Variants in PCDH7 observed in about 807,000 individuals in gnomAD.
PCDH7 encodes the protein protocadherin-7.
A neutral mutation model predicts 58.9 loss-of-function variants in PCDH7; 17 were observed. That is an observed-to-expected ratio of 0.29 (90% CI 0.20 to 0.43). The LOEUF is 0.43. Among genes scored for constraint, PCDH7 ranks in the 20% least tolerant of loss-of-function variants. The pLI is 1.00. For missense variants in PCDH7, 1,274 were observed against 1,441.0 expected (o/e 0.88, Z 1.88); for synonymous variants, 664 against 616.4 (o/e 1.08, Z -1.14).
At chr4:31,135,436 G>C (rs1719481077) in intron 3 of PCDH7, among the ~76,000 whole-genome samples, 1 of 152,180 alleles carries the variant, frequency 6.6e-6, no homozygotes, top group Non-Finnish European at 1.5e-5. Context: ...GATGCCTAAT[G>C]TGGAGTAACC....
chr4:30,867,804 G>A (rs1200673826), intron 1 of PCDH7, among the ~76,000 whole-genome samples: 1 of 152,050 alleles, frequency 6.6e-6, no homozygotes, highest in Non-Finnish European at 1.5e-5. Flanking sequence ...TGATGGTAGG[G>A]CTATTCAAAA....
At chr4:31,049,074 G>A (rs1306249330) in intron 3 of PCDH7, among the ~76,000 whole-genome samples, 1 of 152,056 alleles carries the variant, frequency 6.6e-6, no homozygotes, top group Non-Finnish European at 1.5e-5. Context: ...ATGTATACAT[G>A]TGCCATGTTG....
At chr4:30,804,272 G>A (rs185836537) in intron 1 of PCDH7, among the ~76,000 whole-genome samples, 192 of 152,292 alleles carry the variant, frequency 1.3e-3, no homozygotes, top group Non-Finnish European at 2.1e-3. Flanking sequence ...CAGGCACGGT[G>A]GCTCATGCCT....
At chr4:30,944,812 A>G (rs1366625971) in intron 2 of PCDH7, among the ~76,000 whole-genome samples, 7 of 152,202 alleles carry the variant, frequency 4.6e-5, no homozygotes, top group African/African-American at 1.7e-4. Flanking sequence ...ATATTACTCA[A>G]TACAATAGTC....
intron 3 of PCDH7, among the ~76,000 whole-genome samples, chr4:30,976,399 CTTTTT>C (rs370648622): frequency 4.4e-5 from 5 of 113,538 alleles, no homozygotes; most frequent in African/African-American, 1.1e-4. Flanking sequence ...CCATAAAATA[CTTTTT>C]TTTTTTTTTT....
intron 1 of PCDH7, among the ~76,000 whole-genome samples, chr4:30,809,918 G>A (rs760192558): frequency 2.2e-4 from 34 of 152,030 alleles, no homozygotes; most frequent in Non-Finnish European, 4.6e-4. Context: ...ACTTGCTTTT[G>A]GACATGCCTG....
intron 1 of PCDH7, among the ~76,000 whole-genome samples, chr4:30,725,716 A>T (rs1448642936): frequency 6.6e-6 from 1 of 152,114 alleles, no homozygotes; most frequent in East Asian, 1.9e-4. Flanking sequence ...TATGATTGTC[A>T]ATCTAATTTC....
chr4:30,972,356 G>A (rs1043445338), intron 3 of PCDH7, among the ~76,000 whole-genome samples: 1 of 152,010 alleles, frequency 6.6e-6, no homozygotes, highest in Admixed American at 6.6e-5. Context: ...TTGTGTGCAG[G>A]ATTTTTTTAT....
intron 1 of PCDH7, among the ~76,000 whole-genome samples, chr4:30,822,576 A>G (rs1001169471): frequency 3.9e-5 from 6 of 152,152 alleles, no homozygotes; most frequent in African/African-American, 1.4e-4. Context: ...TGAATCCGTC[A>G]TGGTTTACTT....
intron 3 of PCDH7, among the ~76,000 whole-genome samples, chr4:30,994,081 T>TGGG (rs142170698): frequency 0.74 from 111,892 of 151,830 alleles, 42,454 homozygotes; most frequent in African/African-American, 0.93. Context: ...AATAGTGGTG[T>TGGG]GGGCATCCTA....
At chr4:30,931,087 A>T (rs529118295) in intron 2 of PCDH7, among the ~76,000 whole-genome samples, 155 of 152,334 alleles carry the variant, frequency 1.0e-3, no homozygotes, top group African/African-American at 3.5e-3. Context: ...GACCTGTGGG[A>T]TCATGTAGAT....
At chr4:31,017,859 A>G (rs1303064561) in intron 3 of PCDH7, among the ~76,000 whole-genome samples, 1 of 152,198 alleles carries the variant, frequency 6.6e-6, no homozygotes, top group African/African-American at 2.4e-5. Flanking sequence ...TCATGGCAGC[A>G]TTCAAGTGGC....
intron 3 of PCDH7, among the ~76,000 whole-genome samples, chr4:31,027,207 T>G (rs1286923540): frequency 6.6e-6 from 1 of 152,092 alleles, no homozygotes; most frequent in Non-Finnish European, 1.5e-5. Flanking sequence ...CCCCAAGGAC[T>G]CTTTAAATTG....
At chr4:31,116,214 C>T (rs1238957327) in intron 3 of PCDH7, among the ~76,000 whole-genome samples, 1 of 152,142 alleles carries the variant, frequency 6.6e-6, no homozygotes, top group Non-Finnish European at 1.5e-5. Context: ...TGAGTTCCTG[C>T]ACACATCATG....
intron 3 of PCDH7, among the ~76,000 whole-genome samples, chr4:30,982,782 T>C (rs1750678029): frequency 6.6e-6 from 1 of 152,166 alleles, no homozygotes; most frequent in Non-Finnish European, 1.5e-5. Flanking sequence ...TATGATCTCT[T>C]CTACTGTCCC....
intron 3 of PCDH7, among the ~76,000 whole-genome samples, chr4:31,022,113 G>A (rs961465468): frequency 3.3e-5 from 5 of 152,080 alleles, no homozygotes; most frequent in African/African-American, 1.2e-4. Context: ...AACTGCAAAG[G>A]CTTCTTAATA....
intron 3 of PCDH7, among the ~76,000 whole-genome samples, chr4:31,097,778 C>CT (rs1202584629): frequency 1.3e-5 from 2 of 151,062 alleles, no homozygotes; most frequent in Non-Finnish European, 3.0e-5. Context: ...CTAGCTCTGC[C>CT]TTTTTATATG....
At chr4:30,907,074 T>G (rs995561613) in intron 1 of PCDH7, among the ~76,000 whole-genome samples, 2 of 152,096 alleles carry the variant, frequency 1.3e-5, no homozygotes, top group African/African-American at 4.8e-5. Context: ...ATTTTTAAAA[T>G]GTGCATTGTT....
At chr4:31,072,739 G>T (rs1045543367) in intron 3 of PCDH7, among the ~76,000 whole-genome samples, 6 of 152,048 alleles carry the variant, frequency 3.9e-5, no homozygotes, top group African/African-American at 1.4e-4. Context: ...ATGGAATGAT[G>T]GCTGACATAT....
Sources: allele counts gnomAD v4.1 joint callset (sites outside exome capture counted in the v4.1 genomes callset), GRCh38; gene constraint gnomAD v4.1.1; transcripts MANE v1.5; gene names NCBI Gene and HGNC (gene_info 2026-07-23, HGNC 2026-07-21).